The following TRDN variants were observed in gnomAD, a reference collection of about 807,000 sequenced individuals.
TRDN encodes triadin in skeletal muscle.
TRDN carries 161 observed loss-of-function variants against 149.7 expected under a neutral mutation model. That is an observed-to-expected ratio of 1.08 (90% CI 0.95 to 1.23). The LOEUF is 1.23. Among genes scored for constraint, TRDN ranks in the 50% most tolerant of loss-of-function variants. The pLI, the probability that TRDN is intolerant of heterozygous loss-of-function variation, is 0.00. For synonymous variants in TRDN, 294 were observed against 250.5 expected (o/e 1.17, Z -1.64); for missense variants, 896 against 823.5 (o/e 1.09, Z -1.08).
chr6:123,402,192 T>A (rs545177863), intron 12 of TRDN, among the ~76,000 whole-genome samples: 36 of 152,314 alleles, frequency 2.4e-4, no homozygotes, highest in African/African-American at 8.4e-4. Context: ...CCTAACTCAG[T>A]ATGTAAACAA....
At chr6:123,520,549 A>G (rs774229941) in intron 5 of TRDN, among the ~76,000 whole-genome samples, 1 of 152,214 alleles carries the variant, frequency 6.6e-6, no homozygotes, top group African/African-American at 2.4e-5. Context: ...AATAATGCAC[A>G]TACTTCTTTT....
intron 33 of TRDN, among the ~76,000 whole-genome samples, 190 bp downstream of exon 33, chr6:123,265,128 T>C (rs1276867590): frequency 6.6e-6 from 1 of 152,008 alleles, no homozygotes; most frequent in African/African-American, 2.4e-5. Flanking sequence ...TTAGTTGTGC[T>C]TTTTGTCTCC....
chr6:123,484,848 T>C (rs951429789), intron 9 of TRDN, among the ~76,000 whole-genome samples: 5 of 152,188 alleles, frequency 3.3e-5, no homozygotes, highest in Non-Finnish European at 7.4e-5. Context: ...TAAAGTAATA[T>C]GAACACTGTA....
intron 35 of TRDN, among the ~76,000 whole-genome samples, chr6:123,259,002 A>C (rs1776658887): frequency 6.6e-6 from 1 of 151,620 alleles, no homozygotes; most frequent in African/African-American, 2.4e-5. Context: ...GTTATTTTTT[A>C]TTGTGTCTAT....
intron 2 of TRDN, among the ~76,000 whole-genome samples, chr6:123,554,076 A>G (rs1781529856): frequency 6.6e-6 from 1 of 152,220 alleles, no homozygotes; most frequent in Admixed American, 6.5e-5. Context: ...GGTAAGGTCC[A>G]TGAAATCCAA....
At chr6:123,592,944 A>G (rs1435907150) in intron 1 of TRDN, among the ~76,000 whole-genome samples, 2 of 152,178 alleles carry the variant, frequency 1.3e-5, no homozygotes, top group African/African-American at 4.8e-5. Context: ...TTTTAATCTG[A>G]TAACAACAGG....
chr6:123,635,368 G>A (rs907508672), intron 1 of TRDN, among the ~76,000 whole-genome samples: 1 of 146,338 alleles, frequency 6.8e-6, no homozygotes, highest in Non-Finnish European at 1.5e-5. Context: ...GATTTAAAGG[G>A]GCTGGGTTTA....
At chr6:123,244,944 C>T (rs1776120105) in intron 38 of TRDN, among the ~76,000 whole-genome samples, 1 of 152,176 alleles carries the variant, frequency 6.6e-6, no homozygotes, top group African/African-American at 2.4e-5. Flanking sequence ...CAATATTCAA[C>T]ATTCTTAAAG....
chr6:123,464,418 T>C, intron 10 of TRDN: 1 of 960,668 alleles, frequency 1.0e-6, no homozygotes, highest in Admixed American at 5.7e-5. Context: ...ATTTCAATCC[T>C]CACAATAACG....
At chr6:123,548,840 A>G (rs1781248823) in intron 2 of TRDN, among the ~76,000 whole-genome samples, 1 of 152,032 alleles carries the variant, frequency 6.6e-6, no homozygotes, top group Admixed American at 6.6e-5. Flanking sequence ...TATAATCCAA[A>G]TAAGAGTTAG....
chr6:123,595,074 T>C (rs1783968453), intron 1 of TRDN, among the ~76,000 whole-genome samples: 1 of 152,112 alleles, frequency 6.6e-6, no homozygotes, highest in Non-Finnish European at 1.5e-5. Context: ...CATAATAATG[T>C]TAAAATGTGT....
chr6:123,505,106 T>A (rs1778859141), intron 7 of TRDN, among the ~76,000 whole-genome samples: 1 of 147,074 alleles, frequency 6.8e-6, no homozygotes, highest in Middle Eastern at 3.5e-3. Flanking sequence ...TAGCTGGGCG[T>A]GGTGGTGCAT....
intron 13 of TRDN, among the ~76,000 whole-genome samples, chr6:123,389,742 T>A (rs968257681): frequency 6.6e-6 from 1 of 152,198 alleles, no homozygotes; most frequent in South Asian, 2.1e-4. Flanking sequence ...GGGACATTTG[T>A]TTCTTTTTGA....
chr6:123,290,845 A>G (rs1777984712), intron 24 of TRDN, among the ~76,000 whole-genome samples: 1 of 152,184 alleles, frequency 6.6e-6, no homozygotes, highest in Non-Finnish European at 1.5e-5. Context: ...AGAGATGTAA[A>G]GAATGTTATG....
At chr6:123,233,075 G>A (rs746591917) in intron 38 of TRDN, among the ~76,000 whole-genome samples, 9 of 151,970 alleles carry the variant, frequency 5.9e-5, no homozygotes, top group African/African-American at 1.4e-4. Context: ...TATCAAATTC[G>A]CTGCCTCTCT....
chr6:123,629,403 G>A (rs1785852460), intron 1 of TRDN, among the ~76,000 whole-genome samples: 1 of 152,070 alleles, frequency 6.6e-6, no homozygotes, highest in Admixed American at 6.6e-5. Context: ...CCTGTGTCAG[G>A]GAGGGGAGAA....
At chr6:123,226,923 A>T (rs1054849300) in intron 38 of TRDN, among the ~76,000 whole-genome samples, 2 of 151,786 alleles carry the variant, frequency 1.3e-5, no homozygotes, top group African/African-American at 4.8e-5. Context: ...GGGACTTATA[A>T]TATTTTCAAG....
At position 123,578,408 on chromosome 6, in the gene TRDN, A is replaced by G. The variant is rs181804433; in HGVS notation, c.23-7276T>C. On this transcript the variant is annotated intron_variant, in intron 1 of 40. Coordinates refer to ENST00000334268, the MANE Select transcript of TRDN (RefSeq NM_006073.4). ...GTAGGGAGTCATGTGACATGAGTTT[A>G]CATATAACTTCCCCATTGCTTGTTT... is the stretch of plus-strand genomic sequence containing the variant. Among the ~76,000 whole-genome samples, 37 of 152,122 alleles carry G rather than the reference A, an allele frequency of 2.4e-4. 1 individual carries two copies. The highest frequency in any genetic ancestry group is 3.4e-3 in the Middle Eastern group (1 of 294).
At chr6:123,483,706 A>C (rs1019119192) in intron 9 of TRDN, among the ~76,000 whole-genome samples, 7 of 152,108 alleles carry the variant, frequency 4.6e-5, no homozygotes, top group African/African-American at 1.7e-4. Flanking sequence ...TCATTGTTTT[A>C]TTCATAATCT....
Sources: allele counts gnomAD v4.1 joint callset (sites outside exome capture counted in the v4.1 genomes callset), GRCh38; gene constraint gnomAD v4.1.1; transcripts MANE v1.5; gene names NCBI Gene and HGNC (gene_info 2026-07-23, HGNC 2026-07-21).